The following MYO1F variants were observed in gnomAD, a reference collection of about 807,000 sequenced individuals.
MYO1F encodes the protein unconventional myosin-If.
Under a neutral mutation model 146.6 loss-of-function variants are expected in MYO1F, and 60 were observed. The observed-to-expected ratio is 0.41, with a 90% CI of 0.33 to 0.51. The LOEUF is 0.51. Ranked by LOEUF, MYO1F falls within the 20% of genes least tolerant of loss-of-function variation. The pLI is 0.25. For missense variants in MYO1F, 1,274 were observed against 1,534.3 expected, an observed-to-expected ratio of 0.83 and a Z score of 2.83; for synonymous variants, 602 against 602.1, an observed-to-expected ratio of 1.00 and a Z score of 0.00.
At position 8,539,996 on chromosome 19, in the gene MYO1F, A is replaced by G. The variant is rs1034899110; in HGVS notation, c.1643T>C (p.Leu548Pro). 1 of 1,611,856 alleles carries G rather than the reference A, an allele frequency of 6.2e-7. No homozygotes were observed. The highest frequency in any genetic ancestry group is 8.5e-7 in the Non-Finnish European group (1 of 1,178,766). Residue 548 changes from leucine (L) to proline (P), a missense_variant, in exon 16 of 28, where the codon CTG becomes CCG. Leu to Pro is a moderately conservative substitution (Grantham distance 98, BLOSUM62 -3). Transcript: ENST00000644032. ...AFLRMLFPEK[L>P]DGDKKGRPST... Reference sequence around the variant, plus strand: ...GGGGCGCCCCTTCTTGTCTCCATCCAGCTTCTCGGGGAAGAGCATCCGGAG... The same window carrying G: ...GGGGCGCCCCTTCTTGTCTCCATCCGGCTTCTCGGGGAAGAGCATCCGGAG...
At position 8,526,779 on chromosome 19, in the gene MYO1F, G is replaced by C. The variant is rs1185838991; in HGVS notation, c.2621+10C>G. ...ACCCCGAGATGGTGCTGGGGTTGGC[G>C]GGGCCGTACGTGTCGCTGAAGGTGA... On this transcript the variant is annotated intron_variant, in intron 23 of 27. Coordinates refer to ENST00000644032, the MANE Select transcript of MYO1F (RefSeq NM_012335.4). 6.2e-7 allele frequency: 1 copy of C among 1,603,068 alleles called. No homozygotes were observed. Among genetic ancestry groups the C allele is most frequent in the African/African-American group, 1.3e-5 (1 of 74,804 alleles).
chr19:8,552,240 T>G, intron 6 of MYO1F, 76 bp from the exon 7 acceptor site: 3 of 1,494,734 alleles, frequency 2.0e-6, no homozygotes, highest in East Asian at 2.3e-5. Context: ...ATGGGTCTTA[T>G]GAGCCTTGCC....
At chr19:8,555,934 C>T in intron 1 of MYO1F, 138 bp from the exon 2 acceptor site, 1 of 934,778 alleles carries the variant, frequency 1.1e-6, no homozygotes, top group Non-Finnish European at 1.6e-6. Context: ...CCAGGAGAGG[C>T]TGGCAGGGTC....
chr19:8,552,695 T>C (rs1189498847), intron 6 of MYO1F, among the ~76,000 whole-genome samples: 1 of 151,514 alleles, frequency 6.6e-6, no homozygotes, highest in East Asian at 1.9e-4. Flanking sequence ...TGCATAGATT[T>C]TTTTCCCCCC....
chr19:8,554,868 G>A, intron 2 of MYO1F, 125 bp from the exon 3 acceptor site: 4 of 894,130 alleles, frequency 4.5e-6, no homozygotes, highest in Non-Finnish European at 7.3e-6. Context: ...GGAGATAATG[G>A]ATGCACCTCG....
At chr19:8,560,684 C>G (rs986867528) in intron 1 of MYO1F, among the ~76,000 whole-genome samples, 7 of 151,754 alleles carry the variant, frequency 4.6e-5, no homozygotes, top group African/African-American at 1.7e-4. Context: ...AAGTGATCCT[C>G]CTGGTCTCAG....
At position 8,552,128 on chromosome 19, in the gene MYO1F, C is replaced by T. The variant is rs376497844; in HGVS notation, c.541G>A (p.Glu181Lys). 8 of 1,614,116 alleles carry T rather than the reference C, an allele frequency of 5.0e-6. No homozygotes were observed. In the Admixed American group the frequency reaches 5.0e-5, roughly 10 times the overall value. Residue 181 changes from glutamate (E) to lysine (K), a missense_variant, in exon 7 of 28, where the codon GAG becomes AAG. Transcript: ENST00000644032. The part of the protein sequence containing the change: ...YFEIQFSRGG[E>K]PDGGKISNFL... ...TTGGAGATCTTGCCCCCATCTGGCT[C>T]CCCACCTCGGCTGAACTGGATCTCA... is the stretch of plus-strand genomic sequence containing the variant.
intron 1 of MYO1F, among the ~76,000 whole-genome samples, chr19:8,575,062 A>C (rs1478108012): frequency 6.8e-6 from 1 of 145,996 alleles, no homozygotes; most frequent in East Asian, 2.1e-4. Context: ...TGCCAACGGC[A>C]TTAGATTTTC....
Position 8,577,211 on chromosome 19 carries a change from C to T in MYO1F, c.3+96G>A. The T allele has an allele frequency of 1.4e-6, 2 of 1,468,352 alleles. No homozygotes were observed. The highest frequency in any genetic ancestry group is 1.9e-6 in the Non-Finnish European group (2 of 1,066,116). 91.0% of individuals were successfully genotyped at this position (1,468,352 alleles called of 1,614,324 possible). The stretch of plus-strand genomic sequence containing the variant: ...CCACAGAAGTCCACCATGCCCCTCC[C>T]CTCACCCCAATTTCTGATGGTCATT... On this transcript the variant is annotated intron_variant, in intron 1 of 27. Coordinates refer to ENST00000644032, the MANE Select transcript of MYO1F (RefSeq NM_012335.4). This position sits in a 1 kb window ranked among gnomAD's most constrained non-coding sequence, Gnocchi z 4.3.
intron 13 of MYO1F, 24 bp from the exon 14 acceptor site, chr19:8,544,488 A>C: frequency 6.3e-7 from 1 of 1,578,596 alleles, no homozygotes; most frequent in Non-Finnish European, 8.6e-7. Flanking sequence ...GGGAGCCAGC[A>C]GCGGCTCAGT....
chr19:8,565,929 AAAAAAAT>A (rs1053213505), intron 1 of MYO1F, among the ~76,000 whole-genome samples: 6 of 151,852 alleles, frequency 4.0e-5, no homozygotes, highest in Non-Finnish European at 5.9e-5. Context: ...ATCTCTGCAA[AAAAAAAT>A]AAAAAATAAA....
chr19:8,574,577 T>TTCTC (rs369077601), intron 1 of MYO1F, among the ~76,000 whole-genome samples: 221 of 79,754 alleles, frequency 2.8e-3, no homozygotes, highest in Middle Eastern at 6.0e-3. Flanking sequence ...CTTTCTTTCT[T>TTCTC]TCTCTCTCTC....
chr19:8,543,696 G>A (rs12462245), intron 14 of MYO1F, among the ~76,000 whole-genome samples: 5 of 21,052 alleles, frequency 2.4e-4, no homozygotes, highest in Non-Finnish European at 4.3e-4. Context: ...GGTGGTGGTG[G>A]TGGTGGTGGT....
intron 12 of MYO1F, 138 bp downstream of exon 12, chr19:8,547,898 G>A: frequency 1.3e-6 from 1 of 769,024 alleles, no homozygotes. Flanking sequence ...TCACTATGGA[G>A]CCTGGGTAGG....
At chr19:8,540,083 T>C in intron 15 of MYO1F, 55 bp from the exon 16 acceptor site, 2 of 1,464,860 alleles carry the variant, frequency 1.4e-6, no homozygotes, top group Admixed American at 1.8e-5. Flanking sequence ...TTTCGGGTAC[T>C]CTTCCTCCAG....
In MYO1F at chr19:8,569,290, A is replaced by G. The variant is rs8110924; in HGVS notation, c.3+8017T>C. On this transcript the variant is annotated intron_variant, in intron 1 of 27. Transcript: ENST00000644032. ...GGTCACAGTTGACCACAAGCTGAAT[A>G]TGACTCAACCTGCTGGAGCTCTTGT... 5.3e-3 allele frequency among the ~76,000 whole-genome samples: 802 copies of G among 152,064 alleles called. 4 individuals carry two copies. Among genetic ancestry groups the G allele is most frequent in the African/African-American group, 0.016 (678 of 41,484 alleles).
At chr19:8,547,981 C>CG in intron 12 of MYO1F, 55 bp downstream of exon 12, 1 of 1,434,344 alleles carries the variant, frequency 7.0e-7, no homozygotes, top group Non-Finnish European at 9.8e-7. Context: ...CCTCATGGTC[C>CG]TTCCACCCCA....
chr19:8,540,899 G>A (rs890711536), intron 15 of MYO1F, among the ~76,000 whole-genome samples: 2 of 152,094 alleles, frequency 1.3e-5, no homozygotes, highest in South Asian at 2.1e-4. Flanking sequence ...GTTAGGTTCC[G>A]ATAGTTCTAA....
At chr19:8,555,477 G>C (rs1484661671) in intron 2 of MYO1F, 182 bp downstream of exon 2, 1 of 712,034 alleles carries the variant, frequency 1.4e-6, no homozygotes. Context: ...AGGACAGAGG[G>C]AGCAGTGGCA....
Sources: allele counts gnomAD v4.1 joint callset (sites outside exome capture counted in the v4.1 genomes callset), GRCh38; gene constraint gnomAD v4.1.1; non-coding constraint Gnocchi (gnomAD v3.1); transcripts MANE v1.5; gene names NCBI Gene and HGNC (gene_info 2026-07-23, HGNC 2026-07-21).